Variants in MSH4 observed in about 807,000 individuals in gnomAD.
The protein encoded by MSH4 is mutS protein homolog 4.
A neutral mutation model predicts 113.7 loss-of-function variants in MSH4; 106 were observed. That is an observed-to-expected ratio of 0.93 (90% CI 0.80 to 1.10). The LOEUF is 1.10. MSH4 is among the 50% of genes least tolerant of loss of function. MSH4 has a pLI of 0.00. For missense variants in MSH4, 1,061 were observed against 1,093.7 expected, an observed-to-expected ratio of 0.97 and a Z score of 0.42; for synonymous variants, 368 against 380.2, an observed-to-expected ratio of 0.97 and a Z score of 0.37.
chr1:75,807,024 T>G lies in MSH4; in HGVS notation c.471T>G (p.Ile157Met). 6.3e-7 allele frequency: 1 copy of G among 1,584,218 alleles called. No individual in the cohort carries two copies. The highest frequency in any genetic ancestry group is 1.9e-5 in the Admixed American group (1 of 51,948). The change falls in exon 3 of 20, where the codon ATT becomes ATG. Residue 157 changes from isoleucine (I) to methionine (M), a missense_variant. Physicochemically the swap from Ile to Met is conservative, Grantham distance 10 (BLOSUM62 1). Transcript: ENST00000263187. ...TTTCTGCACACTCCCCATCAGTTAT[T>G]GTAGCTGTTGTAGAAGGGAGAGGAC... is the stretch of plus-strand genomic sequence containing the variant. ...SAISAHSPSV[I>M]VAVVEGRGLA...
At chr1:75,903,179 T>A (rs1451774347) in intron 19 of MSH4, among the ~76,000 whole-genome samples, 1 of 152,054 alleles carries the variant, frequency 6.6e-6, no homozygotes, top group Admixed American at 6.6e-5. Flanking sequence ...TAGTTTCAGG[T>A]CTTACATTTA....
At chr1:75,853,874 A>G (rs1651250639) in intron 8 of MSH4, among the ~76,000 whole-genome samples, 1 of 151,860 alleles carries the variant, frequency 6.6e-6, no homozygotes. Flanking sequence ...CTTTGAATCA[A>G]CTATTTCTCC....
chr1:75,804,506 T>C (rs1313885543), intron 2 of MSH4, among the ~76,000 whole-genome samples: 4 of 150,730 alleles, frequency 2.7e-5, no homozygotes, highest in Non-Finnish European at 4.4e-5. Context: ...TTCCTTTTTT[T>C]TTTTTTTTTT....
intron 8 of MSH4, among the ~76,000 whole-genome samples, chr1:75,864,382 G>C (rs1361959640): frequency 6.6e-6 from 1 of 152,124 alleles, no homozygotes; most frequent in Non-Finnish European, 1.5e-5. Flanking sequence ...ATATAGTTAG[G>C]AGTGGAATTG....
At chr1:75,840,840 C>T (rs996396382) in intron 7 of MSH4, among the ~76,000 whole-genome samples, 2 of 152,032 alleles carry the variant, frequency 1.3e-5, no homozygotes, top group African/African-American at 2.4e-5. Context: ...GGCAACAGAA[C>T]TCTAATTAAA....
chr1:75,905,877 T>G (rs1652617090), intron 19 of MSH4, among the ~76,000 whole-genome samples: 1 of 152,130 alleles, frequency 6.6e-6, no homozygotes, highest in East Asian at 1.9e-4. Flanking sequence ...CTCCTGCTCT[T>G]TTTTGGTTTT....
chr1:75,897,231 C>G (rs1476316747), intron 17 of MSH4, among the ~76,000 whole-genome samples: 4 of 152,090 alleles, frequency 2.6e-5, no homozygotes, highest in African/African-American at 9.7e-5. Context: ...AATGCCATTT[C>G]CTGGGGCGCC....
chr1:75,810,837 A>T (rs763569690), intron 4 of MSH4, 30 bp downstream of exon 4: 1 of 1,010,768 alleles, frequency 9.9e-7, no homozygotes, highest in Admixed American at 2.4e-5. Context: ...TGTAACATTC[A>T]AGATCTAATC....
At chr1:75,905,545 C>T (rs1197133240) in intron 19 of MSH4, among the ~76,000 whole-genome samples, 1 of 152,048 alleles carries the variant, frequency 6.6e-6, no homozygotes, top group African/African-American at 2.4e-5. Context: ...AAATGTTCTG[C>T]AAATGTCAGT....
At chr1:75,902,924 C>G (rs1181766659) in intron 19 of MSH4, among the ~76,000 whole-genome samples, 4 of 149,640 alleles carry the variant, frequency 2.7e-5, no homozygotes, top group African/African-American at 7.3e-5. Context: ...GTTATTATTT[C>G]TTTGTTATTA....
chr1:75,899,791 TATA>T (rs1379452684), intron 19 of MSH4, 85 bp downstream of exon 19: 5 of 400,074 alleles, frequency 1.2e-5, no homozygotes, highest in African/African-American at 8.6e-5. Context: ...GATCTAAATA[TATA>T]ATAATTAATA....
chr1:75,867,864 ATAT>A (rs2100561645), intron 9 of MSH4, among the ~76,000 whole-genome samples: 1 of 150,326 alleles, frequency 6.7e-6, no homozygotes, highest in East Asian at 1.9e-4. Context: ...TATAATCATA[ATAT>A]TATTATCAAA....
chr1:75,809,707 C>G (rs2100508867), intron 3 of MSH4, among the ~76,000 whole-genome samples: 1 of 140,484 alleles, frequency 7.1e-6, no homozygotes, highest in African/African-American at 2.7e-5. Context: ...GTGGCACAAT[C>G]TTGACTCACT....
intron 17 of MSH4, among the ~76,000 whole-genome samples, chr1:75,894,860 A>G (rs1179701611): frequency 6.6e-6 from 1 of 152,158 alleles, no homozygotes; most frequent in Non-Finnish European, 1.5e-5. Context: ...AATACCTTTC[A>G]GGACTAGGGA....
At chr1:75,849,667 A>T (rs1293564839) in intron 8 of MSH4, among the ~76,000 whole-genome samples, 1 of 152,194 alleles carries the variant, frequency 6.6e-6, no homozygotes, top group Non-Finnish European at 1.5e-5. Flanking sequence ...ACCTAAAACA[A>T]CTGATGTTTG....
At chr1:75,869,645 AG>A (rs1399883674) in intron 9 of MSH4, among the ~76,000 whole-genome samples, 1 of 152,174 alleles carries the variant, frequency 6.6e-6, no homozygotes, top group Non-Finnish European at 1.5e-5. Flanking sequence ...ATGGCTTCAG[AG>A]GGTGCAGGCC....
At chr1:75,819,866 A>T (rs928088456) in intron 6 of MSH4, among the ~76,000 whole-genome samples, 1 of 151,944 alleles carries the variant, frequency 6.6e-6, no homozygotes. Flanking sequence ...GCCTGCCACT[A>T]TACCTGGCTA....
In MSH4 at chr1:75,886,446, A is replaced by G. The variant is rs185590636; in HGVS notation, c.2107+2625A>G. On this transcript the variant is annotated intron_variant, in intron 15 of 19. Coordinates refer to ENST00000263187, the MANE Select transcript of MSH4 (RefSeq NM_002440.4). ...TATGATGTATTATATATTATATATA[A>G]TATATATGATGTATTATATATTATA... 3.6e-3 allele frequency among the ~76,000 whole-genome samples: 395 copies of G among 108,816 alleles called. 13 individuals are homozygous for G. The highest frequency in any genetic ancestry group is 0.013 in the Middle Eastern group (1 of 78). 71.4% of individuals were successfully genotyped at this position (108,816 alleles called of 152,430 possible).
chr1:75,888,936 C>A (rs934269227), intron 15 of MSH4, among the ~76,000 whole-genome samples: 134 of 150,064 alleles, frequency 8.9e-4, no homozygotes, highest in African/African-American at 3.2e-3. Context: ...ATTCTGTCGC[C>A]CAGGCTGGAA....
Sources: gnomAD v4.1 joint callset for allele counts (sites outside exome capture counted in the v4.1 genomes callset) on GRCh38, gnomAD v4.1.1 for gene constraint, MANE v1.5 for transcripts, NCBI Gene and HGNC (gene_info 2026-07-23, HGNC 2026-07-21) for gene names.